Variants in TMF1 observed in about 807,000 individuals in gnomAD.
TMF1 encodes the protein TATA element modulatory factor.
Under a neutral mutation model 126.5 loss-of-function variants are expected in TMF1, and 71 were observed. The ratio of observed to expected loss-of-function variants is 0.56; its 90% confidence interval spans 0.46 to 0.68. TMF1 has a LOEUF of 0.68. Ranked by LOEUF, TMF1 falls within the 30% of genes least tolerant of loss-of-function variation. The probability of loss-of-function intolerance (pLI) is 0.00; values close to 1 mark genes in which losing one functional copy is unlikely to be tolerated. For synonymous variants in TMF1, 461 were observed against 430.5 expected (o/e 1.07, Z -0.88); for missense variants, 1,259 against 1,253.2 (o/e 1.00, Z -0.07).
rs540811927 is a variant in TMF1 at position 69,029,158 on chromosome 3, C to T, written c.2594+657G>A. 1.7e-3 allele frequency among the ~76,000 whole-genome samples: 257 copies of T among 152,022 alleles called. 3 individuals are homozygous for T. The highest frequency in any genetic ancestry group is 5.8e-3 in the African/African-American group (239 of 41,496). ...AAGCAATTCTCCTGCCTCAGCCTCC[C>T]GAGTAGCTGGAATTACAGGCGTCTG... On this transcript the variant is annotated intron_variant, in intron 11 of 16. Transcript: ENST00000398559.
intron 9 of TMF1, 34 bp downstream of exon 9, chr3:69,034,989 C>A: frequency 6.5e-7 from 1 of 1,547,090 alleles, no homozygotes. Flanking sequence ...ACACATACTT[C>A]TTGGATTTGT....
At position 69,033,578 on chromosome 3, in the gene TMF1, T is replaced by G; in HGVS notation, c.2371A>C (p.Lys791Gln). ...CTATCAGAAAGATTCTTCTCTAATTTCTCCCACGACGATGTCTGGGATCCC... is the reference window on the plus strand; with the variant it reads ...CTATCAGAAAGATTCTTCTCTAATTGCTCCCACGACGATGTCTGGGATCCC... ...TLGSQTSSWE[K>Q]LEKNLSDRLG... The change falls in exon 10 of 17, where the codon AAA (lysine) becomes CAA (glutamine). Residue 791 changes from lysine (K) to glutamine (Q), a missense_variant. Physicochemically the swap from Lys to Gln is moderately conservative, Grantham distance 53. Coordinates refer to ENST00000398559, the MANE Select transcript of TMF1 (RefSeq NM_007114.3). The G allele has an allele frequency of 3.7e-6, 6 of 1,613,698 alleles. No individual in the cohort carries two copies. Among genetic ancestry groups the G allele is most frequent in the Non-Finnish European group, 3.4e-6 (4 of 1,179,906 alleles).
At chr3:69,051,828 A>T (rs1486348908) in intron 1 of TMF1, 117 bp downstream of exon 1, 2 of 1,267,238 alleles carry the variant, frequency 1.6e-6, no homozygotes, top group African/African-American at 3.1e-5. Flanking sequence ...CCGGGGAGAA[A>T]TTACTTCCTG....
In TMF1 at chr3:69,022,925, T is replaced by C. The variant is rs2091747480; in HGVS notation, c.*252A>G. On this transcript the variant is annotated 3_prime_UTR_variant, in exon 17 of 17. Coordinates refer to ENST00000398559, the MANE Select transcript of TMF1 (RefSeq NM_007114.3). Reference sequence around the variant, plus strand: ...GATAAAGTAATAAATCTCTGTGCTATTCAAGGAAAAAAAATGAATGCTTTA... The same window carrying C: ...GATAAAGTAATAAATCTCTGTGCTACTCAAGGAAAAAAAATGAATGCTTTA... 3.1e-6 allele frequency: 1 copy of C among 326,738 alleles called. No homozygotes were observed. Among genetic ancestry groups the C allele is most frequent in the Non-Finnish European group, 5.6e-6 (1 of 179,790 alleles). 20.2% of individuals were successfully genotyped at this position (326,738 alleles called of 1,614,324 possible).
intron 8 of TMF1, among the ~76,000 whole-genome samples, chr3:69,037,131 T>C (rs1313005258): frequency 6.6e-6 from 1 of 152,142 alleles, no homozygotes; most frequent in Non-Finnish European, 1.5e-5. Flanking sequence ...TTTTAATTAA[T>C]TTCTCCCAAG....
intron 11 of TMF1, 83 bp downstream of exon 11, chr3:69,029,732 C>T (rs1034467968): frequency 2.6e-5 from 35 of 1,348,082 alleles, no homozygotes; most frequent in East Asian, 2.1e-4. Flanking sequence ...TGAGCCACGG[C>T]GCCCGGCCCA....
chr3:69,024,260 T>C, intron 15 of TMF1, 80 bp from the exon 16 acceptor site: 1 of 1,261,982 alleles, frequency 7.9e-7, no homozygotes, highest in South Asian at 1.7e-5. Context: ...ATATTTAATG[T>C]GTGTGTGGTT....
intron 13 of TMF1, 128 bp from the exon 14 acceptor site, chr3:69,026,225 TCAATA>T: frequency 1.8e-6 from 1 of 562,712 alleles, no homozygotes; most frequent in Admixed American, 3.5e-5. Context: ...ACAAAGGAAT[TCAATA>T]CAATCAAAAG....
intron 10 of TMF1, among the ~76,000 whole-genome samples, chr3:69,033,048 A>C (rs1174317186): frequency 6.6e-6 from 1 of 152,124 alleles, no homozygotes; most frequent in Non-Finnish European, 1.5e-5. Context: ...TACTGCAGAC[A>C]AGCTACAAAG....
rs929212094 is a variant in TMF1 at position 69,048,266 on chromosome 3, T to C, written c.439A>G (p.Thr147Ala). 6.2e-7 allele frequency: 1 copy of C among 1,614,114 alleles called. No homozygotes were observed. The highest frequency in any genetic ancestry group is 1.3e-5 in the African/African-American group (1 of 74,922). ...GAGTCTTTTACTTGTGATTCAGTTG[T>C]TTCAGGAGTTCTTGACTGGCCAATG... Reference protein sequence around the residue: ...LHIGQSRTPETTESQVKDSSL... With the variant: ...LHIGQSRTPEATESQVKDSSL... The change falls in exon 2 of 17, where the codon ACA (threonine) becomes GCA (alanine). Residue 147 changes from threonine to alanine, a missense_variant. Coordinates refer to ENST00000398559, the MANE Select transcript of TMF1 (RefSeq NM_007114.3).
intron 14 of TMF1, 81 bp downstream of exon 14, chr3:69,025,915 G>T: frequency 7.8e-7 from 1 of 1,289,092 alleles, no homozygotes; most frequent in Non-Finnish European, 1.1e-6. Context: ...GCAAGGTCAT[G>T]ATGACAGACA....
intron 13 of TMF1, 133 bp downstream of exon 13, chr3:69,027,767 T>C (rs566283008): frequency 1.6e-5 from 8 of 510,486 alleles, no homozygotes; most frequent in Non-Finnish European, 2.4e-5. Flanking sequence ...AAAATCATCC[T>C]GGGCCACATG....
At chr3:69,027,562 T>TA (rs2091776494) in intron 13 of TMF1, among the ~76,000 whole-genome samples, 1 of 151,954 alleles carries the variant, frequency 6.6e-6, no homozygotes, top group South Asian at 2.1e-4. Context: ...TTTTAGACAT[T>TA]AAAAAAATGA....
At chr3:69,023,528 T>C (rs2091750755) in intron 16 of TMF1, among the ~76,000 whole-genome samples, 2 of 152,036 alleles carry the variant, frequency 1.3e-5, no homozygotes. Flanking sequence ...TAGATGGCTA[T>C]CAATTTTACC....
intron 5 of TMF1, among the ~76,000 whole-genome samples, chr3:69,040,758 C>T (rs1322256927): frequency 6.6e-6 from 1 of 152,030 alleles, no homozygotes; most frequent in African/African-American, 2.4e-5. Context: ...CCCATCTCTA[C>T]TAAAAATACA....
At chr3:69,025,839 C>T in intron 14 of TMF1, 127 bp from the exon 15 acceptor site, 1 of 1,201,468 alleles carries the variant, frequency 8.3e-7, no homozygotes, top group Non-Finnish European at 1.2e-6. Flanking sequence ...GAAAATCATT[C>T]ACGTGTTTCC....
At chr3:69,027,065 G>A (rs930792139) in intron 13 of TMF1, among the ~76,000 whole-genome samples, 2 of 151,782 alleles carry the variant, frequency 1.3e-5, no homozygotes, top group South Asian at 2.1e-4. Context: ...ATGCGATCTC[G>A]GCTCACTGCA....
In TMF1 at chr3:69,047,578, T is replaced by C. The variant is rs1303395149; in HGVS notation, c.1127A>G (p.Lys376Arg). The stretch of plus-strand genomic sequence containing the variant: ...TAATGTTTCATTTACTTCTTCAGAT[T>C]TTCCTTCAGCAGATTCAACTGTTTT... ...KSKTVESAEG[K>R]SEEVNETLVI... The change falls in exon 2 of 17, where the codon AAA becomes AGA. Residue 376 changes from lysine to arginine, a missense_variant. Coordinates refer to ENST00000398559, the MANE Select transcript of TMF1 (RefSeq NM_007114.3). 1.2e-6 allele frequency: 2 copies of C among 1,614,174 alleles called. No homozygotes were observed. Among genetic ancestry groups the C allele is most frequent in the South Asian group, 1.1e-5 (1 of 91,086 alleles).
At chr3:69,028,899 C>T (rs949302062) in intron 11 of TMF1, among the ~76,000 whole-genome samples, 3 of 151,884 alleles carry the variant, frequency 2.0e-5, no homozygotes, top group Non-Finnish European at 4.4e-5. Context: ...GTGTTATAGG[C>T]CCCTTTAAAA....
Sources: gnomAD v4.1 joint callset for allele counts (sites outside exome capture counted in the v4.1 genomes callset) on GRCh38, gnomAD v4.1.1 for gene constraint, MANE v1.5 for transcripts, NCBI Gene and HGNC (gene_info 2026-07-23, HGNC 2026-07-21) for gene names.